Variants in SEMA3C observed in about 807,000 individuals in gnomAD.
SEMA3C encodes semaphorin-3C.
In SEMA3C, 47 loss-of-function variants were observed where a neutral mutation model predicts 89.4. The ratio of observed to expected loss-of-function variants is 0.53; its 90% CI spans 0.42 to 0.67. SEMA3C has a LOEUF of 0.67. Ranked by LOEUF, SEMA3C falls within the 30% of genes least tolerant of loss-of-function variation. The probability of loss-of-function intolerance (pLI) is 0.00; values close to 1 mark genes in which losing one functional copy is unlikely to be tolerated. For missense variants in SEMA3C, 839 were observed against 929.1 expected (o/e 0.90, Z 1.26); for synonymous variants, 310 against 320.2 (o/e 0.97, Z 0.34).
intron 11 of SEMA3C, among the ~76,000 whole-genome samples, chr7:80,792,697 A>T (rs1398439037): frequency 6.6e-6 from 1 of 152,182 alleles, no homozygotes; most frequent in Non-Finnish European, 1.5e-5. Context: ...GACTTTTTTT[A>T]ATACTCCCAT....
chr7:80,853,193 T>C (rs1451059945), intron 2 of SEMA3C, among the ~76,000 whole-genome samples: 6 of 152,158 alleles, frequency 3.9e-5, no homozygotes, highest in East Asian at 3.9e-4. Context: ...ACAGCCACTA[T>C]GGAGAACAGC....
chr7:80,787,963 C>A (rs1382064688), intron 12 of SEMA3C, among the ~76,000 whole-genome samples: 1 of 152,062 alleles, frequency 6.6e-6, no homozygotes, highest in Non-Finnish European at 1.5e-5. Flanking sequence ...AATGTAGTAG[C>A]ACATTTTAGA....
At position 80,843,468 on chromosome 7, in the gene SEMA3C, G is replaced by C. The variant is rs934812869; in HGVS notation, c.104-14723C>G. 3.9e-5 allele frequency among the ~76,000 whole-genome samples: 6 copies of C among 152,202 alleles called. No individual in the cohort carries two copies. The East Asian group carries it at 9.7e-4, about 24-fold the overall frequency. ...AAAATCTTGGCACTGCATCTGACTA[G>C]CTGTGTGGCTTTAGGCAACTTACTT... On this transcript the variant is annotated intron_variant, in intron 2 of 17. Transcript: ENST00000265361.
intron 2 of SEMA3C, among the ~76,000 whole-genome samples, chr7:80,891,024 T>C (rs945505707): frequency 6.6e-6 from 1 of 152,180 alleles, no homozygotes; most frequent in Admixed American, 6.5e-5. Flanking sequence ...AGGAATTCCA[T>C]GTCTAATTCC....
intron 2 of SEMA3C, among the ~76,000 whole-genome samples, chr7:80,897,337 G>A (rs1280345744): frequency 3.3e-5 from 5 of 152,098 alleles, no homozygotes; most frequent in Non-Finnish European, 7.4e-5. Flanking sequence ...TCCTTTCCTT[G>A]TTCCTTGAAT....
intron 12 of SEMA3C, among the ~76,000 whole-genome samples, chr7:80,772,182 C>T (rs1156806518): frequency 2.6e-5 from 4 of 152,280 alleles, no homozygotes; most frequent in Non-Finnish European, 5.9e-5. Flanking sequence ...TAATTACATA[C>T]TGATAATTGG....
At chr7:80,884,407 A>G (rs988941030) in intron 2 of SEMA3C, among the ~76,000 whole-genome samples, 2 of 152,220 alleles carry the variant, frequency 1.3e-5, no homozygotes, top group African/African-American at 2.4e-5. Context: ...TGAGACCCTC[A>G]TAACTAACTT....
At chr7:80,757,057 T>C (rs1212924011) in intron 15 of SEMA3C, among the ~76,000 whole-genome samples, 1 of 152,164 alleles carries the variant, frequency 6.6e-6, no homozygotes, top group Non-Finnish European at 1.5e-5. Flanking sequence ...CCAGTGAAAA[T>C]ATTTGTTGAA....
At chr7:80,831,733 G>T (rs567646144) in intron 2 of SEMA3C, among the ~76,000 whole-genome samples, 1 of 152,186 alleles carries the variant, frequency 6.6e-6, no homozygotes, top group South Asian at 2.1e-4. Flanking sequence ...ATGCTAAAAT[G>T]GAAAAGAAAA....
chr7:80,854,654 T>C (rs2115955828), intron 2 of SEMA3C, among the ~76,000 whole-genome samples: 2 of 152,296 alleles, frequency 1.3e-5, no homozygotes, highest in Admixed American at 1.3e-4. Context: ...CCTGCATCCA[T>C]TATATTAATG....
At chr7:80,770,535 C>T (rs769973163) in intron 12 of SEMA3C, among the ~76,000 whole-genome samples, 4 of 152,196 alleles carry the variant, frequency 2.6e-5, no homozygotes, top group Non-Finnish European at 5.9e-5. Context: ...AAATAATAAC[C>T]ATGCTTTTCA....
At chr7:80,886,631 C>T (rs540886160) in intron 2 of SEMA3C, among the ~76,000 whole-genome samples, 11 of 152,282 alleles carry the variant, frequency 7.2e-5, no homozygotes, top group African/African-American at 2.4e-4. Context: ...GGATTACAGG[C>T]ATGAGCCACC....
intron 4 of SEMA3C, among the ~76,000 whole-genome samples, chr7:80,823,448 A>G (rs1789800544): frequency 6.6e-6 from 1 of 152,168 alleles, no homozygotes; most frequent in Admixed American, 6.5e-5. Context: ...CTTTTATAAT[A>G]TAAAAATAGA....
chr7:80,913,492 T>C (rs1043685486), intron 2 of SEMA3C, among the ~76,000 whole-genome samples: 1 of 152,222 alleles, frequency 6.6e-6, no homozygotes, highest in East Asian at 1.9e-4. Context: ...CACACTCAGT[T>C]TTCTGTTTTT....
chr7:80,820,054 CTTT>C (rs768363975), intron 4 of SEMA3C, among the ~76,000 whole-genome samples: 97 of 124,064 alleles, frequency 7.8e-4, no homozygotes, highest in African/African-American at 2.5e-3. Context: ...ATGTATGCTC[CTTT>C]TTTTTTTTTT....
At chr7:80,879,420 G>C (rs896242042) in intron 2 of SEMA3C, among the ~76,000 whole-genome samples, 3 of 152,100 alleles carry the variant, frequency 2.0e-5, no homozygotes, top group Non-Finnish European at 4.4e-5. Context: ...CAGTCAGCAG[G>C]GTAAGGGGCA....
chr7:80,908,530 T>C (rs1792067020), intron 2 of SEMA3C, among the ~76,000 whole-genome samples: 1 of 152,164 alleles, frequency 6.6e-6, no homozygotes, highest in African/African-American at 2.4e-5. Context: ...GCAACTTGGG[T>C]TGCAAGACTT....
intron 2 of SEMA3C, among the ~76,000 whole-genome samples, chr7:80,866,802 G>T (rs1451699226): frequency 6.6e-6 from 1 of 152,140 alleles, no homozygotes; most frequent in African/African-American, 2.4e-5. Flanking sequence ...CTGCCATTTT[G>T]CCATAAGATT....
chr7:80,831,681 A>G (rs950792116), intron 2 of SEMA3C, among the ~76,000 whole-genome samples: 4 of 152,182 alleles, frequency 2.6e-5, no homozygotes, highest in African/African-American at 9.7e-5. Flanking sequence ...ACTAAAAGAC[A>G]TTGTTCTAGT....
Sources: gnomAD v4.1 joint callset for allele counts (sites outside exome capture counted in the v4.1 genomes callset) on GRCh38, gnomAD v4.1.1 for gene constraint, MANE v1.5 for transcripts, NCBI Gene and HGNC (gene_info 2026-07-23, HGNC 2026-07-21) for gene names.